The following VPS53 variants were observed in gnomAD, a reference collection of about 807,000 sequenced individuals.
VPS53 encodes vacuolar protein sorting-associated protein 53 homolog.
A neutral mutation model predicts 107.0 loss-of-function variants in VPS53; 70 were observed. The observed-to-expected ratio is 0.65, with a 90% confidence interval of 0.54 to 0.80. The LOEUF (loss-of-function observed/expected upper bound fraction) is 0.80. Ranked by LOEUF, VPS53 falls within the 30% of genes least tolerant of loss-of-function variation. The pLI is 0.00. For missense variants in VPS53, 917 were observed against 1,049.4 expected, an observed-to-expected ratio of 0.87 and a Z score of 1.74; for synonymous variants, 409 against 393.3, an observed-to-expected ratio of 1.04 and a Z score of -0.47.
At chr17:608,622 CTTTTT>C (rs912296562) in intron 11 of VPS53, among the ~76,000 whole-genome samples, 1 of 138,042 alleles carries the variant, frequency 7.2e-6, no homozygotes, top group African/African-American at 2.7e-5. Context: ...CTTTTCTTTT[CTTTTT>C]TTTTTTGAAA....
rs1443158408 is a variant in VPS53, at chr17:697,436, C to T, written c.267G>A (p.Val89=). The T allele has an allele frequency of 2.5e-6, 4 of 1,614,132 alleles. No individual in the cohort carries two copies. Among genetic ancestry groups the T allele is most frequent in the Non-Finnish European group, 3.4e-6 (4 of 1,179,944 alleles). Residue 89 remains valine, a synonymous_variant, in exon 4 of 22, where the codon GTG becomes GTA. Transcript: ENST00000437048. ...TACTTACTTGCCGTCCATCCTGCCC[C>T]ACGTTCGTCTGACCTCTTACAACAG... ...IRTVVRGQTN[V]GQDGRQALEE...
Position 532,842 on chromosome 17 carries a change from C to G in VPS53, c.2085G>C (p.Gln695His), listed in dbSNP as rs376217426. 1.9e-6 allele frequency: 3 copies of G among 1,613,884 alleles called. No individual in the cohort carries two copies. Among genetic ancestry groups the G allele is most frequent in the African/African-American group, 1.3e-5 (1 of 74,938 alleles). ...ATGCCTGATACTACGTCCATCTCACCTGTTCTGCTCCCACCATGCTAATTG... is the reference window on the plus strand; with the variant it reads ...ATGCCTGATACTACGTCCATCTCACGTGTTCTGCTCCCACCATGCTAATTG... ...CKPISMVGAE[Q>H]LLLDTHSLKM... The change falls in exon 19 of 22, where the codon CAG (glutamine) becomes CAC (histidine). Residue 695 changes from glutamine (Q) to histidine (H), a missense_variant and splice_region_variant. Physicochemically the swap from Gln to His is conservative, Grantham distance 24 (BLOSUM62 0). Transcript: ENST00000437048.
chr17:555,063 T>C (rs191388249), intron 15 of VPS53, among the ~76,000 whole-genome samples: 8 of 152,304 alleles, frequency 5.3e-5, no homozygotes, highest in East Asian at 1.9e-4. Flanking sequence ...TTACAAAGGA[T>C]AAAACAAATT....
At chr17:637,466 G>A (rs992182169) in intron 7 of VPS53, among the ~76,000 whole-genome samples, 18 of 152,118 alleles carry the variant, frequency 1.2e-4, no homozygotes, top group Non-Finnish European at 2.5e-4. Flanking sequence ...GCGAGCTTTT[G>A]AATGTGTTTG....
chr17:642,122 C>T (rs1009392674), intron 7 of VPS53, among the ~76,000 whole-genome samples: 1 of 152,154 alleles, frequency 6.6e-6, no homozygotes, highest in African/African-American at 2.4e-5. Context: ...GAAAACACCC[C>T]CAACAGTTCC....
At chr17:596,693 G>A (rs866886551) in intron 12 of VPS53, among the ~76,000 whole-genome samples, 4 of 152,162 alleles carry the variant, frequency 2.6e-5, no homozygotes, top group East Asian at 1.9e-4. Context: ...CGTTATGAAC[G>A]TGCTCAGTTT....
Position 521,752 on chromosome 17 carries a change from C to G in VPS53, c.2086-14G>C. The G allele has an allele frequency of 2.6e-6, 4 of 1,527,974 alleles. No individual in the cohort carries two copies. The highest frequency in any genetic ancestry group is 3.5e-6 in the Non-Finnish European group (4 of 1,130,760). 94.7% of individuals were successfully genotyped at this position (1,527,974 alleles called of 1,614,324 possible). On this transcript the variant is annotated splice_polypyrimidine_tract_variant and intron_variant, in intron 19 of 21. Transcript: ENST00000437048. ...GTCCAGCAGCAGCTGTGGAGCAAAG[C>G]AGAGAGCATTACCGGCCCCTTCCAG...
At chr17:525,770 G>A (rs1909082244) in intron 19 of VPS53, among the ~76,000 whole-genome samples, 1 of 151,882 alleles carries the variant, frequency 6.6e-6, no homozygotes, top group African/African-American at 2.4e-5. Flanking sequence ...GGCTGAGGTG[G>A]GAGGATCACT....
chr17:669,351 G>A (rs1424836143), intron 4 of VPS53, among the ~76,000 whole-genome samples: 1 of 152,084 alleles, frequency 6.6e-6, no homozygotes, highest in Non-Finnish European at 1.5e-5. Flanking sequence ...CCAGCACGCT[G>A]CAAGGCTGAC....
intron 4 of VPS53, among the ~76,000 whole-genome samples, chr17:662,994 C>T (rs1971536431): frequency 1.3e-5 from 2 of 151,582 alleles, no homozygotes; most frequent in African/African-American, 4.9e-5. Context: ...TTGCTTGAGC[C>T]CAGGAGTTCA....
rs761895453 is a variant in VPS53 at position 532,822 on chromosome 17, T to C, written c.2085+20A>G. On this transcript the variant is annotated intron_variant, in intron 19 of 21. Transcript: ENST00000437048. ...CAACAAAAGCTGCCAGGCAAATGCC[T>C]GATACTACGTCCATCTCACCTGTTC... The C allele has an allele frequency of 6.2e-7, 1 of 1,613,260 alleles. No homozygotes were observed. The highest frequency in any genetic ancestry group is 8.5e-7 in the Non-Finnish European group (1 of 1,179,464).
chr17:703,745 T>C (rs1404841793), intron 2 of VPS53, among the ~76,000 whole-genome samples: 1 of 152,020 alleles, frequency 6.6e-6, no homozygotes, highest in Non-Finnish European at 1.5e-5. Flanking sequence ...TATTGCCTTC[T>C]ACTACGAAAC....
chr17:570,844 T>C (rs1913971823), intron 13 of VPS53, among the ~76,000 whole-genome samples: 1 of 152,188 alleles, frequency 6.6e-6, no homozygotes, highest in African/African-American at 2.4e-5. Flanking sequence ...CTGATGTTGA[T>C]AGCTGTACTG....
At chr17:625,556 G>C (rs1360947042) in intron 10 of VPS53, among the ~76,000 whole-genome samples, 3 of 151,998 alleles carry the variant, frequency 2.0e-5, no homozygotes. Flanking sequence ...CATCACTCTG[G>C]GTAATGATGA....
At chr17:575,154 G>C (rs1259064119) in intron 13 of VPS53, among the ~76,000 whole-genome samples, 2 of 151,968 alleles carry the variant, frequency 1.3e-5, no homozygotes, top group Admixed American at 6.5e-5. Context: ...TTTGATGATG[G>C]AGAAGCTACT....
intron 12 of VPS53, among the ~76,000 whole-genome samples, chr17:595,686 C>CT (rs1967933498): frequency 7.3e-6 from 1 of 137,670 alleles, no homozygotes; most frequent in African/African-American, 2.8e-5. Context: ...AGTGCCCCCC[C>CT]TGGAGGAAGC....
rs145517120 is a variant in VPS53, at chr17:586,305, C to G, written c.1278G>C (p.Glu426Asp). 3.7e-6 allele frequency: 6 copies of G among 1,614,112 alleles called. No homozygotes were observed. The highest frequency in any genetic ancestry group is 4.2e-6 in the Non-Finnish European group (5 of 1,179,966). ...PFHGIVSKCF[E>D]PHLYVYIESQ... is the part of the protein sequence containing the mutation. Reference sequence around the variant, plus strand: ...ATTCGATATACACGTAGAGATGAGGCTCAAAACACTTGGAAACAATGCCAT... The same window carrying G: ...ATTCGATATACACGTAGAGATGAGGGTCAAAACACTTGGAAACAATGCCAT... The change falls in exon 13 of 22, where the codon GAG (glutamate) becomes GAC (aspartate). Residue 426 changes from glutamate to aspartate, a missense_variant. By Grantham distance (45) the Glu-to-Asp change is conservative (BLOSUM62 2). Coordinates refer to ENST00000437048, the MANE Select transcript of VPS53 (RefSeq NM_001128159.3).
chr17:614,443 C>G lies in VPS53; in HGVS notation c.1116+9090G>C, dbSNP rs79541558. ...CGCCATAATTTCCAAATTTTCTATCCTGACCCTGTATTATTCTCTTCTCAG... is the reference window on the plus strand; with the variant it reads ...CGCCATAATTTCCAAATTTTCTATCGTGACCCTGTATTATTCTCTTCTCAG... On this transcript the variant is annotated intron_variant, in intron 11 of 21. Transcript: ENST00000437048. Among the ~76,000 whole-genome samples the G allele has an allele frequency of 2.6e-5, 4 of 152,214 alleles. No individual in the cohort carries two copies. In the East Asian group the frequency reaches 7.7e-4, roughly 29 times the overall value.
intron 5 of VPS53, among the ~76,000 whole-genome samples, chr17:656,521 T>C (rs1036447780): frequency 1.3e-5 from 2 of 151,820 alleles, no homozygotes; most frequent in Admixed American, 6.6e-5. Context: ...ATTTGGGGAG[T>C]AAGAGCCTGA....
Sources: allele counts gnomAD v4.1 joint callset (sites outside exome capture counted in the v4.1 genomes callset), GRCh38; gene constraint gnomAD v4.1.1; transcripts MANE v1.5; gene names NCBI Gene and HGNC (gene_info 2026-07-23, HGNC 2026-07-21).